The following ZMAT4 variants were observed in gnomAD, a reference collection of about 807,000 sequenced individuals.
ZMAT4 encodes the protein zinc finger matrin-type 4.
A neutral mutation model predicts 28.7 loss-of-function variants in ZMAT4; 17 were observed. The ratio of observed to expected loss-of-function variants is 0.59; its 90% CI spans 0.41 to 0.89. ZMAT4 has a LOEUF of 0.89. ZMAT4 is among the 40% of genes least tolerant of loss of function. The probability of loss-of-function intolerance (pLI) is 0.00; values close to 1 mark genes in which losing one functional copy is unlikely to be tolerated. For missense variants in ZMAT4, 240 were observed against 283.8 expected (o/e 0.85, Z 1.11); for synonymous variants, 117 against 109.2 (o/e 1.07, Z -0.44).
chr8:40,689,788 A>C (rs1211740838), intron 4 of ZMAT4, among the ~76,000 whole-genome samples: 1 of 152,018 alleles, frequency 6.6e-6, no homozygotes, highest in Non-Finnish European at 1.5e-5. Flanking sequence ...TATGCACAGG[A>C]AATTGATTAT....
chr8:40,744,680 T>G (rs1014292404), intron 3 of ZMAT4, among the ~76,000 whole-genome samples: 1 of 152,124 alleles, frequency 6.6e-6, no homozygotes, highest in African/African-American at 2.4e-5. Flanking sequence ...TTTTGGGTAG[T>G]TTGAGACTTG....
At chr8:40,719,986 A>T (rs952261640) in intron 3 of ZMAT4, among the ~76,000 whole-genome samples, 1 of 152,208 alleles carries the variant, frequency 6.6e-6, no homozygotes, top group Non-Finnish European at 1.5e-5. Context: ...TAAGATCTGT[A>T]GACAATTCCA....
At chr8:40,611,796 G>A (rs1254688929) in intron 5 of ZMAT4, among the ~76,000 whole-genome samples, 3 of 152,206 alleles carry the variant, frequency 2.0e-5, no homozygotes, top group Non-Finnish European at 4.4e-5. Context: ...CGGTAAAAAT[G>A]AAAAGTAAAG....
At chr8:40,850,227 G>A (rs1023279927) in intron 1 of ZMAT4, among the ~76,000 whole-genome samples, 3 of 152,040 alleles carry the variant, frequency 2.0e-5, no homozygotes, top group Admixed American at 2.0e-4. Context: ...ATGCTACCTA[G>A]GCAATGAAAA....
chr8:40,634,563 T>A (rs1217705292), intron 5 of ZMAT4, among the ~76,000 whole-genome samples: 1 of 152,174 alleles, frequency 6.6e-6, no homozygotes, highest in East Asian at 1.9e-4. Context: ...AAAGCAATAA[T>A]GTCATGCATC....
intron 5 of ZMAT4, among the ~76,000 whole-genome samples, chr8:40,665,619 C>G (rs561261498): frequency 2.9e-4 from 44 of 152,306 alleles, no homozygotes; most frequent in African/African-American, 1.1e-3. Flanking sequence ...TCCCAGAAAA[C>G]TCAGAGTTGG....
At chr8:40,568,979 A>G (rs1169145678) in intron 6 of ZMAT4, among the ~76,000 whole-genome samples, 5 of 152,318 alleles carry the variant, frequency 3.3e-5, no homozygotes, top group Middle Eastern at 3.4e-3. Context: ...AATTGTTAAA[A>G]GGTACAATCA....
intron 5 of ZMAT4, among the ~76,000 whole-genome samples, chr8:40,622,085 A>G (rs576717498): frequency 7.9e-5 from 12 of 152,340 alleles, no homozygotes; most frequent in African/African-American, 2.9e-4. Flanking sequence ...TGTTTACATC[A>G]CACATTCCCA....
intron 5 of ZMAT4, among the ~76,000 whole-genome samples, chr8:40,647,332 C>T (rs1175648729): frequency 2.0e-5 from 3 of 152,078 alleles, no homozygotes; most frequent in East Asian, 1.9e-4. Flanking sequence ...CCTGGAAAAT[C>T]GGGTCACTCC....
chr8:40,622,702 G>T (rs556570571), intron 5 of ZMAT4, among the ~76,000 whole-genome samples: 1 of 152,216 alleles, frequency 6.6e-6, no homozygotes, highest in African/African-American at 2.4e-5. Flanking sequence ...CACTCATGGC[G>T]GAAGAGGAAG....
intron 1 of ZMAT4, among the ~76,000 whole-genome samples, chr8:40,826,106 A>G (rs911816596): frequency 5.3e-5 from 8 of 152,224 alleles, no homozygotes; most frequent in Admixed American, 2.0e-4. Context: ...AAAACTAAAA[A>G]TTCTTAAAAA....
At chr8:40,640,842 C>T (rs1327993604) in intron 5 of ZMAT4, among the ~76,000 whole-genome samples, 3 of 151,582 alleles carry the variant, frequency 2.0e-5, no homozygotes, top group East Asian at 3.9e-4. Flanking sequence ...TCCTGTAGTC[C>T]CAGCTACTTG....
At chr8:40,646,785 G>A (rs1285169050) in intron 5 of ZMAT4, among the ~76,000 whole-genome samples, 2 of 152,100 alleles carry the variant, frequency 1.3e-5, no homozygotes, top group Non-Finnish European at 2.9e-5. Context: ...CTTTCAATAT[G>A]GATAGAACGA....
chr8:40,896,986 T>TA (rs1818900826), intron 1 of ZMAT4, among the ~76,000 whole-genome samples: 1 of 151,568 alleles, frequency 6.6e-6, no homozygotes, highest in Non-Finnish European at 1.5e-5. Flanking sequence ...TTTTTTTTTT[T>TA]TTCAGGATAC....
At chr8:40,632,656 G>A (rs543986633) in intron 5 of ZMAT4, among the ~76,000 whole-genome samples, 2 of 152,272 alleles carry the variant, frequency 1.3e-5, no homozygotes, top group South Asian at 2.1e-4. Flanking sequence ...AGCAAGGAAG[G>A]ATGAGTCTCT....
intron 3 of ZMAT4, among the ~76,000 whole-genome samples, chr8:40,727,910 A>AT (rs1473871374): frequency 1.3e-5 from 2 of 152,326 alleles, no homozygotes; most frequent in East Asian, 1.9e-4. Flanking sequence ...CATTTTATTT[A>AT]TTTTTTATAA....
intron 1 of ZMAT4, among the ~76,000 whole-genome samples, chr8:40,858,493 G>A (rs1278355268): frequency 6.6e-6 from 1 of 152,164 alleles, no homozygotes; most frequent in Admixed American, 6.5e-5. Context: ...TAATAAGCAA[G>A]TATATGGATG....
intron 5 of ZMAT4, among the ~76,000 whole-genome samples, chr8:40,589,845 C>G (rs1009167001): frequency 6.8e-6 from 1 of 146,520 alleles, no homozygotes; most frequent in Non-Finnish European, 1.5e-5. Flanking sequence ...TTTCTTCTTT[C>G]TTTCCTTTCT....
chr8:40,548,871 T>G (rs995318095), intron 6 of ZMAT4, among the ~76,000 whole-genome samples: 4 of 152,220 alleles, frequency 2.6e-5, no homozygotes, highest in African/African-American at 4.8e-5. Flanking sequence ...TTCTCTTTAC[T>G]GACTTCTGCT....
Sources: allele counts gnomAD v4.1 joint callset (sites outside exome capture counted in the v4.1 genomes callset), GRCh38; gene constraint gnomAD v4.1.1; transcripts MANE v1.5; gene names NCBI Gene and HGNC (gene_info 2026-07-23, HGNC 2026-07-21).